ERAP1: variants seen among roughly 807,000 people sequenced by gnomAD.
ERAP1 encodes the protein adipocyte-derived leucine aminopeptidase.
ERAP1 carries 86 observed loss-of-function variants against 103.7 expected under a neutral mutation model. That is an observed-to-expected ratio of 0.83 (90% CI 0.70 to 0.99). ERAP1 has a LOEUF of 0.99. ERAP1 is among the 50% of genes least tolerant of loss of function. ERAP1 has a pLI of 0.00. For synonymous variants in ERAP1, 398 were observed against 402.4 expected (o/e 0.99, Z 0.13); for missense variants, 1,009 against 1,128.4 (o/e 0.89, Z 1.52).
chr5:96,912,188 C>CAAAAAAAAAA, the ERAP1 span, among the ~76,000 whole-genome samples: 2 of 84,234 alleles, frequency 2.4e-5, no homozygotes, highest in Non-Finnish European at 2.4e-5. Context: ...GACTCCACCT[C>CAAAAAAAAAA]AAAAAAAAAA....
chr5:96,782,343 A>T (rs1254014400), intron 15 of ERAP1, among the ~76,000 whole-genome samples: 4 of 152,210 alleles, frequency 2.6e-5, no homozygotes, highest in Non-Finnish European at 5.9e-5. Context: ...CAAGAGAAAA[A>T]TATCTAAAAT....
At chr5:96,870,812 C>T in the ERAP1 span, among the ~76,000 whole-genome samples, 1 of 152,192 alleles carries the variant, frequency 6.6e-6, no homozygotes, top group Non-Finnish European at 1.5e-5. Flanking sequence ...AGAGCAGAGA[C>T]TTATCTGCTC....
the ERAP1 span, among the ~76,000 whole-genome samples, chr5:96,856,644 C>G: frequency 1.3e-5 from 2 of 152,012 alleles, no homozygotes; most frequent in African/African-American, 4.8e-5. Flanking sequence ...TCTGCTCTGG[C>G]TTTGGGTCCT....
chr5:96,929,047 C>T, the ERAP1 span, among the ~76,000 whole-genome samples: 17 of 152,336 alleles, frequency 1.1e-4, no homozygotes, highest in Admixed American at 7.2e-4. Flanking sequence ...TGGCAGGTCA[C>T]AGCACATGCA....
At chr5:96,914,293 G>A in the ERAP1 span, among the ~76,000 whole-genome samples, 2 of 152,224 alleles carry the variant, frequency 1.3e-5, no homozygotes, top group East Asian at 3.9e-4. Flanking sequence ...GGGTCAGTTA[G>A]CATCCCTGAT....
At chr5:96,768,622 C>T (rs1561627145) in intron 19 of ERAP1, among the ~76,000 whole-genome samples, 1 of 152,200 alleles carries the variant, frequency 6.6e-6, no homozygotes, top group Non-Finnish European at 1.5e-5. Context: ...TTTATCTCCA[C>T]ACTATATGGT....
chr5:96,782,509 G>A (rs185797153), intron 15 of ERAP1, among the ~76,000 whole-genome samples: 1 of 152,314 alleles, frequency 6.6e-6, no homozygotes, highest in African/African-American at 2.4e-5. Flanking sequence ...ATGATCACAA[G>A]TCAGGACGGC....
At chr5:96,847,050 C>T in the ERAP1 span, among the ~76,000 whole-genome samples, 7,119 of 148,526 alleles carry the variant, frequency 0.048, 212 homozygotes, top group South Asian at 0.11. Flanking sequence ...ACCAGCCTGA[C>T]CAACATGTTG....
the ERAP1 span, among the ~76,000 whole-genome samples, chr5:96,928,963 T>C: frequency 3.3e-5 from 5 of 152,208 alleles, no homozygotes; most frequent in African/African-American, 9.7e-5. Flanking sequence ...CCTCTAGGAT[T>C]GCTCAACTGG....
chr5:96,878,024 G>A, the ERAP1 span, among the ~76,000 whole-genome samples: 1 of 152,206 alleles, frequency 6.6e-6, no homozygotes, highest in Non-Finnish European at 1.5e-5. Context: ...AGTTGGAGCA[G>A]TAAGGAAGTA....
chr5:96,828,324 G>T, the ERAP1 span, among the ~76,000 whole-genome samples: 1 of 152,134 alleles, frequency 6.6e-6, no homozygotes, highest in Non-Finnish European at 1.5e-5. Context: ...CAACGTAAAT[G>T]AATTACTAAG....
chr5:96,787,570 ATGT>A (rs1446809662), intron 11 of ERAP1, among the ~76,000 whole-genome samples: 2 of 151,960 alleles, frequency 1.3e-5, no homozygotes, highest in African/African-American at 4.8e-5. Flanking sequence ...CCGGCCATAA[ATGT>A]TGTTTTGTAG....
chr5:96,916,768 T>A, the ERAP1 span, among the ~76,000 whole-genome samples: 1 of 150,770 alleles, frequency 6.6e-6, no homozygotes, highest in African/African-American at 2.4e-5. Flanking sequence ...AGCCTATCTT[T>A]TTTTTTTTTT....
the ERAP1 span, among the ~76,000 whole-genome samples, chr5:96,914,129 GTCTC>G: frequency 1.2e-4 from 17 of 146,944 alleles, no homozygotes; most frequent in South Asian, 2.2e-4. Context: ...ATTGCTTTCT[GTCTC>G]TCTCTCTCTC....
intron 5 of ERAP1, among the ~76,000 whole-genome samples, chr5:96,794,767 G>C (rs1477735876): frequency 6.6e-6 from 1 of 152,182 alleles, no homozygotes. Context: ...TCCCTCTGCT[G>C]TCTGCCCACT....
At chr5:96,884,070 CT>C in the ERAP1 span, 49 of 644,816 alleles carry the variant, frequency 7.6e-5, no homozygotes, top group African/African-American at 7.1e-4. Flanking sequence ...ATCTATCTAT[CT>C]ATCTATCTAT....
At chr5:96,833,775 C>T in the ERAP1 span, among the ~76,000 whole-genome samples, 8 of 143,390 alleles carry the variant, frequency 5.6e-5, no homozygotes, top group African/African-American at 1.3e-4. Context: ...TCCAGCCTGG[C>T]GACAGAGCAA....
In ERAP1 at chr5:96,785,963, T is replaced by G. The variant is rs766695604; in HGVS notation, c.1768A>C (p.Ile590Leu). 1.1e-5 allele frequency: 18 copies of G among 1,614,102 alleles called. 1 individual carries two copies. In the South Asian group the frequency reaches 1.8e-4, roughly 16 times the overall value. Reference protein sequence around the residue: ...FLLKTKTDVLILPEEVEWIKF... With the variant: ...FLLKTKTDVLLLPEEVEWIKF... ...ATCCATTCCACCTCTTCTGGGAGGATGAGCACATCTAGAGTAAATAAAATA... is the reference window on the plus strand; with the variant it reads ...ATCCATTCCACCTCTTCTGGGAGGAGGAGCACATCTAGAGTAAATAAAATA... Residue 590 changes from isoleucine (I) to leucine (L), a missense_variant, in exon 13 of 19, where the codon ATC (isoleucine) becomes CTC (leucine). This residue lies in a region of ERAP1 where 611 missense variants were observed against 651.7 expected (regional missense o/e 0.94). Transcript: ENST00000443439.
chr5:96,912,771 C>T, the ERAP1 span: 18 of 1,601,052 alleles, frequency 1.1e-5, no homozygotes, highest in South Asian at 2.3e-5. Flanking sequence ...GCTTTGTCAA[C>T]GAGCAAGCAT....
Sources: gnomAD v4.1 joint callset for allele counts (sites outside exome capture counted in the v4.1 genomes callset) on GRCh38, gnomAD v4.1.1 for gene constraint, gnomAD v4.1.1 regional missense constraint, MANE v1.5 for transcripts, NCBI Gene and HGNC (gene_info 2026-07-23, HGNC 2026-07-21) for gene names.